TEX261: variants seen among roughly 807,000 people sequenced by gnomAD.
The protein encoded by TEX261 is testis expressed 261.
TEX261 carries 13 observed loss-of-function variants against 25.1 expected under a neutral mutation model. The observed-to-expected ratio is 0.52, with a 90% CI of 0.34 to 0.82. TEX261 has a LOEUF of 0.82. Ranked by LOEUF, TEX261 falls within the 40% of genes least tolerant of loss-of-function variation. TEX261 has a pLI of 0.02. For synonymous variants in TEX261, 92 were observed against 97.8 expected, an observed-to-expected ratio of 0.94 and a Z score of 0.35; for missense variants, 206 against 243.2, an observed-to-expected ratio of 0.85 and a Z score of 1.02.
intron 1 of TEX261, 92 bp downstream of exon 1, chr2:70,994,596 C>G: frequency 6.6e-7 from 1 of 1,522,498 alleles, no homozygotes; most frequent in Non-Finnish European, 8.9e-7. Flanking sequence ...GCAGTGGTCC[C>G]CCGAGTGGCT....
Position 70,988,554 on chromosome 2 carries a change from G to C in TEX261, c.*46C>G. 6.7e-7 allele frequency: 1 copy of C among 1,484,170 alleles called. No individual in the cohort carries two copies. Among genetic ancestry groups the C allele is most frequent in the South Asian group, 1.1e-5 (1 of 88,382 alleles). The allele number at this position is 1,484,170 out of a possible 1,614,324, so 91.9% of individuals were successfully genotyped here. A position where few individuals can be genotyped will look rare whatever the true frequency, so the allele number is the denominator to read the frequency against. On this transcript the variant is annotated 3_prime_UTR_variant, in exon 6 of 6. Transcript: ENST00000272438. Reference sequence around the variant, plus strand: ...CCCCACCTGGCATAGAGGCCCAGGGGCCTGACTCTCCTGATCTTGCCCCCC... The same window carrying C: ...CCCCACCTGGCATAGAGGCCCAGGGCCCTGACTCTCCTGATCTTGCCCCCC...
chr2:70,989,679 A>T, intron 4 of TEX261, 70 bp downstream of exon 4: 1 of 1,064,604 alleles, frequency 9.4e-7, no homozygotes, highest in Non-Finnish European at 1.5e-6. Flanking sequence ...AAGTTTATAA[A>T]GTAAACCATG....
Position 70,988,522 on chromosome 2 carries a change from T to C in TEX261, c.*78A>G. 1.7e-6 allele frequency: 2 copies of C among 1,189,808 alleles called. No homozygotes were observed. Among genetic ancestry groups the C allele is most frequent in the Non-Finnish European group, 2.5e-6 (2 of 798,532 alleles). 73.7% of individuals were successfully genotyped at this position (1,189,808 alleles called of 1,614,324 possible). A position where few individuals can be genotyped will look rare whatever the true frequency, so the allele number is the denominator to read the frequency against. The stretch of plus-strand genomic sequence containing the variant: ...GGCAGGTGGTAGGTGCCTTCCCGAC[T>C]TCTGGTCCCCACCTGGCATAGAGGC... On this transcript the variant is annotated 3_prime_UTR_variant, in exon 6 of 6. Transcript: ENST00000272438.
At chr2:70,993,211 T>C (rs142271846) in intron 2 of TEX261, among the ~76,000 whole-genome samples, 2 of 152,340 alleles carry the variant, frequency 1.3e-5, no homozygotes, top group South Asian at 2.1e-4. Context: ...GCAAGGACTG[T>C]GTCTTCAGTA....
At position 70,994,731 on chromosome 2, in the gene TEX261, C is replaced by A; in HGVS notation, c.27G>T (p.Trp9Cys). Residue 9 changes from tryptophan to cysteine, a missense_variant, in exon 1 of 6, where the codon TGG becomes TGT. By Grantham distance (215) the Trp-to-Cys change is radical (BLOSUM62 -2). Coordinates refer to ENST00000272438, the MANE Select transcript of TEX261 (RefSeq NM_144582.3). MWFMYLLSWLSLFIQVAFI... is the reference protein window; with the variant it reads MWFMYLLSCLSLFIQVAFI... ...AGGCCACCTGGATGAAGAGCGACAGCCAGCTCAGCAGGTACATGAACCACA... is the reference window on the plus strand; with the variant it reads ...AGGCCACCTGGATGAAGAGCGACAGACAGCTCAGCAGGTACATGAACCACA... 6.2e-7 allele frequency: 1 copy of A among 1,606,650 alleles called. No individual in the cohort carries two copies. The highest frequency in any genetic ancestry group is 8.5e-7 in the Non-Finnish European group (1 of 1,177,350).
chr2:70,992,224 A>G (rs1007279555), intron 2 of TEX261, among the ~76,000 whole-genome samples: 6 of 151,702 alleles, frequency 4.0e-5, no homozygotes, highest in Admixed American at 3.3e-4. Flanking sequence ...CCTGGATTCA[A>G]GCAATTCTCT....
intron 3 of TEX261, among the ~76,000 whole-genome samples, chr2:70,990,820 T>G (rs533025414): frequency 6.6e-6 from 1 of 152,282 alleles, no homozygotes; most frequent in East Asian, 1.9e-4. Context: ...AGCCTGCTGC[T>G]GAGGGGCTGG....
intron 1 of TEX261, among the ~76,000 whole-genome samples, chr2:70,994,179 G>C (rs890825131): frequency 5.3e-5 from 8 of 152,230 alleles, no homozygotes; most frequent in African/African-American, 1.7e-4. Context: ...AGACAGACGA[G>C]TTTAGTGTGA....
In TEX261 at chr2:70,989,034, C is replaced by T. The variant is rs782610636; in HGVS notation, c.373-17G>A. ...GGCCAGGACCTGGCAACAAGAGAGA[C>T]TGAGAAGAGGGTGCCCCGGAGGTGC... On this transcript the variant is annotated splice_polypyrimidine_tract_variant and intron_variant, in intron 4 of 5. Transcript: ENST00000272438. 83 of 1,608,034 alleles carry T rather than the reference C, an allele frequency of 5.2e-5. No homozygotes were observed. The highest frequency in any genetic ancestry group is 6.2e-5 in the Non-Finnish European group (73 of 1,176,762).
Position 70,993,691 on chromosome 2 carries a change from C to T in TEX261, c.150+5G>A. 6.2e-7 allele frequency: 1 copy of T among 1,612,972 alleles called. No individual in the cohort carries two copies. Among genetic ancestry groups the T allele is most frequent in the Non-Finnish European group, 8.5e-7 (1 of 1,179,034 alleles). On this transcript the variant is annotated splice_donor_5th_base_variant and intron_variant, in intron 2 of 5. Coordinates refer to ENST00000272438, the MANE Select transcript of TEX261 (RefSeq NM_144582.3). ...GGAGGACTCCTGGAGAAAGATGCCA[C>T]TTACCCAGATCATGTATTTTATGAT... is the stretch of plus-strand genomic sequence containing the variant.
chr2:70,994,838 G>GCCGCCGCCC lies in TEX261; in HGVS notation c.-82_-81insGGGCGGCGG. Reference sequence around the variant, plus strand: ...CCGGCGACACACAGCCGCCACCGCCGCCGCCGCCGCCGCGTCCCCGCCCCG... The same window carrying GCCGCCGCCC: ...CCGGCGACACACAGCCGCCACCGCCGCCGCCGCCCCCGCCGCCGCCGCGTCCCCGCCCCG... On this transcript the variant is annotated 5_prime_UTR_variant, in exon 1 of 6. Coordinates refer to ENST00000272438, the MANE Select transcript of TEX261 (RefSeq NM_144582.3). 8.1e-7 allele frequency: 1 copy of GCCGCCGCCC among 1,238,458 alleles called. No homozygotes were observed. The allele number at this position is 1,238,458 out of a possible 1,614,324, so 76.7% of individuals were successfully genotyped here. A position where few individuals can be genotyped will look rare whatever the true frequency, so the allele number is the denominator to read the frequency against.
rs367921588 is a variant in TEX261, at chr2:70,988,942, C to T, written c.448G>A (p.Val150Ile). ...FFVSLSAGEN[V>I]LPSTMQPGDD... Reference sequence around the variant, plus strand: ...CCTGGCTGCATGGTAGAGGGCAGGACGTTCTCCCCGGCCGAAAGTGACACA... The same window carrying T: ...CCTGGCTGCATGGTAGAGGGCAGGATGTTCTCCCCGGCCGAAAGTGACACA... Residue 150 changes from valine to isoleucine, a missense_variant, in exon 5 of 6, where the codon GTC (valine) becomes ATC (isoleucine). By Grantham distance (29) the Val-to-Ile change is conservative. Transcript: ENST00000272438. 7.4e-6 allele frequency: 12 copies of T among 1,613,998 alleles called. No homozygotes were observed. Among genetic ancestry groups the T allele is most frequent in the South Asian group, 6.6e-5 (6 of 91,076 alleles).
At chr2:70,992,713 G>A (rs1196681653) in intron 2 of TEX261, among the ~76,000 whole-genome samples, 1 of 148,934 alleles carries the variant, frequency 6.7e-6, no homozygotes, top group Non-Finnish European at 1.5e-5. Flanking sequence ...TGGGTAATAA[G>A]AGCGAAACTC....
In TEX261 at chr2:70,988,579, C is replaced by T. The variant is rs782475810; in HGVS notation, c.*21G>A. 5.6e-5 allele frequency: 89 copies of T among 1,591,554 alleles called. No homozygotes were observed. Among genetic ancestry groups the T allele is most frequent in the Non-Finnish European group, 7.4e-5 (86 of 1,159,564 alleles). ...GCCTGACTCTCCTGATCTTGCCCCC[C>T]ACATCCTGCCTGCATGGGGGTCAGT... is the stretch of plus-strand genomic sequence containing the variant. On this transcript the variant is annotated 3_prime_UTR_variant, in exon 6 of 6. Coordinates refer to ENST00000272438, the MANE Select transcript of TEX261 (RefSeq NM_144582.3).
intron 2 of TEX261, 70 bp downstream of exon 2, chr2:70,993,626 T>C (rs1553425877): frequency 6.3e-6 from 8 of 1,271,782 alleles, no homozygotes; most frequent in Admixed American, 3.4e-5. Flanking sequence ...CATGCCAAAC[T>C]CTCCCCACTT....
At chr2:70,994,638 C>T in intron 1 of TEX261, 50 bp downstream of exon 1, 1 of 1,561,170 alleles carries the variant, frequency 6.4e-7, no homozygotes, top group South Asian at 1.2e-5. Flanking sequence ...CCCCAACGAG[C>T]ACCGATGCCG....
Position 70,988,952 on chromosome 2 carries a change from G to A in TEX261, c.438C>T (p.Ala146=), listed in dbSNP as rs369333145. 40 of 1,614,080 alleles carry A rather than the reference G, an allele frequency of 2.5e-5. No individual in the cohort carries two copies. The highest frequency in any genetic ancestry group is 5.5e-5 in the South Asian group (5 of 91,064). Residue 146 remains alanine (A), a synonymous_variant, in exon 5 of 6, where the codon GCC becomes GCT. Coordinates refer to ENST00000272438, the MANE Select transcript of TEX261 (RefSeq NM_144582.3). The part of the protein sequence containing the change: ...IPFAFFVSLS[A]GENVLPSTMQ... Reference sequence around the variant, plus strand: ...TGGTAGAGGGCAGGACGTTCTCCCCGGCCGAAAGTGACACAAAAAACGCAA... The same window carrying A: ...TGGTAGAGGGCAGGACGTTCTCCCCAGCCGAAAGTGACACAAAAAACGCAA...
chr2:70,987,524 T>A lies in TEX261; in HGVS notation c.*1076A>T, dbSNP rs942110111. On this transcript the variant is annotated 3_prime_UTR_variant, in exon 6 of 6. Coordinates refer to ENST00000272438, the MANE Select transcript of TEX261 (RefSeq NM_144582.3). ...ACTGTTGAGCACTTGCAAGGCACTATAGTTGGAGTGCAAGGTCAACAAATG... is the reference window on the plus strand; with the variant it reads ...ACTGTTGAGCACTTGCAAGGCACTAAAGTTGGAGTGCAAGGTCAACAAATG... 6.6e-6 allele frequency: 1 copy of A among 152,612 alleles called. No individual in the cohort carries two copies. The highest frequency in any genetic ancestry group is 6.5e-5 in the Admixed American group (1 of 15,278). The allele number at this position is 152,612 out of a possible 1,614,324, so 9.5% of individuals were successfully genotyped here.
In TEX261 at chr2:70,992,643, C is replaced by T. The variant is rs537602951; in HGVS notation, c.151-660G>A. 2.6e-5 allele frequency among the ~76,000 whole-genome samples: 4 copies of T among 151,824 alleles called. No individual in the cohort carries two copies. The South Asian group carries it at 6.2e-4, about 24-fold the overall frequency. On this transcript the variant is annotated intron_variant, in intron 2 of 5. Coordinates refer to ENST00000272438, the MANE Select transcript of TEX261 (RefSeq NM_144582.3). ...ACTCGGGAGGCTGAGGCAGGAGAAT[C>T]GCTTGAACCCAGGAGGCAGAGGTTG...
Sources: gnomAD v4.1 joint callset for allele counts (sites outside exome capture counted in the v4.1 genomes callset) on GRCh38, gnomAD v4.1.1 for gene constraint, MANE v1.5 for transcripts, NCBI Gene and HGNC (gene_info 2026-07-23, HGNC 2026-07-21) for gene names.